LARP4B: variants seen among roughly 807,000 people sequenced by gnomAD.
LARP4B encodes the protein la-related protein 4B.
A neutral mutation model predicts 89.8 loss-of-function variants in LARP4B; 12 were observed. That is an observed-to-expected ratio of 0.13 (90% CI 0.09 to 0.22). The LOEUF is 0.22. Ranked by LOEUF, LARP4B falls within the 10% of genes least tolerant of loss-of-function variation. The pLI is 1.00. For synonymous variants in LARP4B, 367 were observed against 363.3 expected (o/e 1.01, Z -0.12); for missense variants, 757 against 947.7 (o/e 0.80, Z 2.64).
intron 3 of LARP4B, among the ~76,000 whole-genome samples, chr10:866,412 T>C (rs564811475): frequency 6.6e-6 from 1 of 152,210 alleles, no homozygotes; most frequent in Non-Finnish European, 1.5e-5. Context: ...ACCAGCATGC[T>C]TGTGCCAGGC....
chr10:976,009 C>G, the LARP4B span, among the ~76,000 whole-genome samples: 398 of 92,024 alleles, frequency 4.3e-3, 9 homozygotes, highest in African/African-American at 0.015. Context: ...TGGACCCAGC[C>G]TAGTAGAATG....
rs1832706745 is a variant in LARP4B at position 827,752 on chromosome 10, T to TGGCAAGGC, written c.1125+1632_1125+1633insGCCTTGCC. ...GCAGGAAGAACTGAAAGGACTAGCA[T>TGGCAAGGC]GGCAAGCCACGTGCAGCGATGATTC... On this transcript the variant is annotated intron_variant, in intron 11 of 17. Coordinates refer to ENST00000316157, the MANE Select transcript of LARP4B (RefSeq NM_015155.3). 2.0e-5 allele frequency among the ~76,000 whole-genome samples: 3 copies of TGGCAAGGC among 152,258 alleles called. No individual in the cohort carries two copies. In the South Asian group the frequency reaches 6.2e-4, roughly 32 times the overall value.
chr10:958,440 T>C, the LARP4B span, among the ~76,000 whole-genome samples: 2 of 152,182 alleles, frequency 1.3e-5, no homozygotes, highest in African/African-American at 4.8e-5. Flanking sequence ...ACCTTTGAAA[T>C]GTTTAAGCAT....
downstream of LARP4B, chr10:807,176 G>C (rs925784359): frequency 6.6e-6 from 1 of 152,270 alleles, no homozygotes; most frequent in Admixed American, 6.5e-5. Context: ...TGACAGATCA[G>C]TCCAACGAGA....
rs1181257666 is a variant in LARP4B at position 810,463 on chromosome 10, T to G, written c.*2463A>C. On this transcript the variant is annotated 3_prime_UTR_variant, in exon 18 of 18. Coordinates refer to ENST00000316157, the MANE Select transcript of LARP4B (RefSeq NM_015155.3). ...TATTGACCGGAGGGCAGCAGAGCCC[T>G]CCAGTGGCGACTGGCTAATGCACGC... 6.6e-6 allele frequency: 1 copy of G among 152,202 alleles called. No homozygotes were observed. Among genetic ancestry groups the G allele is most frequent in the African/African-American group, 2.4e-5 (1 of 41,452 alleles). The allele number at this position is 152,202 out of a possible 1,614,324, so 9.4% of individuals were successfully genotyped here.
chr10:881,920 A>G (rs1835682476), intron 3 of LARP4B, among the ~76,000 whole-genome samples: 1 of 152,144 alleles, frequency 6.6e-6, no homozygotes, highest in Non-Finnish European at 1.5e-5. Flanking sequence ...GATCACTTGC[A>G]CTCAGTTTTG....
At position 902,640 on chromosome 10, in the gene LARP4B, T is replaced by TC. The variant is rs1491465545; in HGVS notation, c.-39-16881_-39-16880insG. ...AAGTTGAAGCAGAAACATAAAATCT[T>TC]TTTTTTTTTTTTTTTTAATTTTGAG... is the stretch of plus-strand genomic sequence containing the variant. On this transcript the variant is annotated intron_variant, in intron 1 of 17. Transcript: ENST00000316157. 3.0e-5 allele frequency among the ~76,000 whole-genome samples: 3 copies of TC among 100,808 alleles called. No individual in the cohort carries two copies. The Admixed American group carries it at 3.1e-4, about 10-fold the overall frequency. The allele number at this position is 100,808 out of a possible 152,430, so 66.1% of individuals were successfully genotyped here.
At position 836,922 on chromosome 10, in the gene LARP4B, C is replaced by A. The variant is rs72778203; in HGVS notation, c.647-416G>T. Among the ~76,000 whole-genome samples the A allele has an allele frequency of 6.7e-3, 1,027 of 152,264 alleles. 6 individuals carry two copies. Among genetic ancestry groups the A allele is most frequent in the Non-Finnish European group, 0.011 (754 of 68,018 alleles). On this transcript the variant is annotated intron_variant, in intron 7 of 17. Transcript: ENST00000316157. ...TGCTCATGTGACTGCAGTAATAGGC[C>A]TAATTTAGATTTCGCCAGTTTTTAC...
In LARP4B at chr10:873,685, G is replaced by A. The variant is rs529921114; in HGVS notation, c.142-9415C>T. ...AATAAATAGCAATTTAAAAAGAGAC[G>A]AAAAAATCAAAGGAGAGCAAAAAAA... On this transcript the variant is annotated intron_variant, in intron 3 of 17. Coordinates refer to ENST00000316157, the MANE Select transcript of LARP4B (RefSeq NM_015155.3). 5.3e-5 allele frequency among the ~76,000 whole-genome samples: 8 copies of A among 151,982 alleles called. No homozygotes were observed. The South Asian group carries it at 1.7e-3, about 32-fold the overall frequency.
Position 814,875 on chromosome 10 carries a change from G to C in LARP4B, c.1821-25C>G, listed in dbSNP as rs761727543. 6.3e-6 allele frequency: 10 copies of C among 1,581,508 alleles called. No individual in the cohort carries two copies. Among genetic ancestry groups the C allele is most frequent in the South Asian group, 2.3e-5 (2 of 87,584 alleles). ...ACTGTAAAAATGCCACCCGATATTT[G>C]AATCTCATGCAACATCACAGGCCAT... On this transcript the variant is annotated intron_variant, in intron 16 of 17. Transcript: ENST00000316157. This position sits in a 1 kb window ranked among gnomAD's most constrained non-coding sequence, Gnocchi z 4.4.
At chr10:914,456 G>A (rs1295396906) in intron 1 of LARP4B, among the ~76,000 whole-genome samples, 2 of 151,382 alleles carry the variant, frequency 1.3e-5, no homozygotes, top group African/African-American at 2.4e-5. Context: ...CCGAGATCAC[G>A]CCACTGCACT....
the LARP4B span, among the ~76,000 whole-genome samples, chr10:966,903 G>T: frequency 6.6e-6 from 1 of 152,248 alleles, no homozygotes; most frequent in Admixed American, 6.5e-5. Context: ...CTCCTGGGAT[G>T]GTTTGAGTCT....
At chr10:874,112 T>C (rs1835356545) in intron 3 of LARP4B, among the ~76,000 whole-genome samples, 1 of 152,066 alleles carries the variant, frequency 6.6e-6, no homozygotes, top group Non-Finnish European at 1.5e-5. Flanking sequence ...TGTGTGCCTG[T>C]AGTTCCAGCT....
the LARP4B span, among the ~76,000 whole-genome samples, chr10:945,624 C>A: frequency 6.7e-6 from 1 of 149,144 alleles, no homozygotes; most frequent in Non-Finnish European, 1.5e-5. Context: ...GGAGGCGGAG[C>A]TTGCAGTGAG....
the LARP4B span, among the ~76,000 whole-genome samples, chr10:973,609 C>CG: frequency 6.6e-6 from 1 of 152,102 alleles, no homozygotes; most frequent in Non-Finnish European, 1.5e-5. Flanking sequence ...CCTCGGCCTC[C>CG]CAAAGTGCTG....
intron 1 of LARP4B, among the ~76,000 whole-genome samples, chr10:908,108 A>G (rs1341367007): frequency 6.6e-6 from 1 of 152,190 alleles, no homozygotes; most frequent in Non-Finnish European, 1.5e-5. Flanking sequence ...TGGGAGGCTG[A>G]GGCAGGAGAA....
chr10:902,637 T>TA (rs1836374342), intron 1 of LARP4B, among the ~76,000 whole-genome samples: 3 of 142,404 alleles, frequency 2.1e-5, no homozygotes, highest in Non-Finnish European at 4.7e-5. Context: ...AAACATAAAA[T>TA]CTTTTTTTTT....
chr10:944,703 C>A, the LARP4B span, among the ~76,000 whole-genome samples: 2 of 152,270 alleles, frequency 1.3e-5, no homozygotes, highest in East Asian at 3.8e-4. Flanking sequence ...GCCCGTGACT[C>A]ACTTTTCCTG....
chr10:827,232 G>A (rs932849539), intron 11 of LARP4B, among the ~76,000 whole-genome samples: 1 of 151,686 alleles, frequency 6.6e-6, no homozygotes. Flanking sequence ...GCCAAGATCC[G>A]GCCACTGCAC....
Sources: gnomAD v4.1 joint callset for allele counts (sites outside exome capture counted in the v4.1 genomes callset) on GRCh38, gnomAD v4.1.1 for gene constraint, Gnocchi (gnomAD v3.1) non-coding constraint, MANE v1.5 for transcripts, NCBI Gene and HGNC (gene_info 2026-07-23, HGNC 2026-07-21) for gene names.